Variants in TBC1D22A observed in about 807,000 individuals in gnomAD.
TBC1D22A encodes the protein TBC1 domain family member 22A.
In TBC1D22A, 38 loss-of-function variants were observed where a neutral mutation model predicts 60.2. That is an observed-to-expected ratio of 0.63 (90% CI 0.49 to 0.83). The LOEUF (loss-of-function observed/expected upper bound fraction) is 0.83. Among genes scored for constraint, TBC1D22A ranks in the 40% least tolerant of loss-of-function variants. TBC1D22A has a pLI of 0.00. For synonymous variants in TBC1D22A, 302 were observed against 281.7 expected (o/e 1.07, Z -0.72); for missense variants, 628 against 701.0 (o/e 0.90, Z 1.18).
intron 8 of TBC1D22A, among the ~76,000 whole-genome samples, chr22:46,941,108 TAC>T (rs145138507): frequency 0.21 from 16,405 of 77,042 alleles, 2,161 homozygotes; most frequent in Middle Eastern, 0.3. Context: ...GGCACTAGCA[TAC>T]ACACACACAC....
rs901760021 is a variant in TBC1D22A, at chr22:46,812,533, C to T, written c.637+14913C>T. Among the ~76,000 whole-genome samples the T allele has an allele frequency of 1.8e-4, 27 of 152,246 alleles. 1 individual carries two copies. The highest frequency in any genetic ancestry group is 1.7e-3 in the Admixed American group (26 of 15,290). ...TCACAGCCTCGTCAGCCACTCTTCCCACCCCTTTGGGGACACTGCCCACCC... is the reference window on the plus strand; with the variant it reads ...TCACAGCCTCGTCAGCCACTCTTCCTACCCCTTTGGGGACACTGCCCACCC... On this transcript the variant is annotated intron_variant, in intron 4 of 12. Transcript: ENST00000337137.
intron 11 of TBC1D22A, among the ~76,000 whole-genome samples, chr22:47,105,881 A>G (rs1303663394): frequency 6.6e-6 from 1 of 152,018 alleles, no homozygotes; most frequent in African/African-American, 2.4e-5. Context: ...TCAGCAGTGA[A>G]AACAGACTGC....
At position 46,989,000 on chromosome 22, in the gene TBC1D22A, C is replaced by G. The variant is rs578259950; in HGVS notation, c.1126-8634C>G. Among the ~76,000 whole-genome samples, 7 of 152,338 alleles carry G rather than the reference C, an allele frequency of 4.6e-5. No homozygotes were observed. The East Asian group carries it at 1.4e-3, about 29-fold the overall frequency. Reference sequence around the variant, plus strand: ...TTGGCTAGATCTTCTGGAGAACTTGCTACAGCTTCTCCATCAGCACTTGCT... The same window carrying G: ...TTGGCTAGATCTTCTGGAGAACTTGGTACAGCTTCTCCATCAGCACTTGCT... On this transcript the variant is annotated intron_variant, in intron 9 of 12. Coordinates refer to ENST00000337137, the MANE Select transcript of TBC1D22A (RefSeq NM_014346.5).
chr22:46,910,653 A>G (rs1433969136), intron 7 of TBC1D22A, among the ~76,000 whole-genome samples: 2 of 152,100 alleles, frequency 1.3e-5, no homozygotes, highest in African/African-American at 2.4e-5. Context: ...TGGGAACTAG[A>G]GGGCCACACA....
chr22:47,085,170 A>G (rs922087336), intron 11 of TBC1D22A, among the ~76,000 whole-genome samples: 9 of 152,284 alleles, frequency 5.9e-5, no homozygotes, highest in South Asian at 2.1e-4. Context: ...AATTCCAGCA[A>G]CACAGAGGCT....
intron 9 of TBC1D22A, among the ~76,000 whole-genome samples, chr22:46,989,700 A>G (rs6009084): frequency 0.067 from 10,205 of 152,034 alleles, 692 homozygotes; most frequent in African/African-American, 0.17. Flanking sequence ...ACAGATCCCC[A>G]TAAAAGATCA....
At chr22:46,991,739 G>A (rs895358319) in intron 9 of TBC1D22A, among the ~76,000 whole-genome samples, 2 of 152,152 alleles carry the variant, frequency 1.3e-5, no homozygotes, top group Admixed American at 1.3e-4. Flanking sequence ...TGAGAGCATT[G>A]CCTGGGTCTC....
At chr22:46,881,837 G>A (rs1211674354) in intron 5 of TBC1D22A, among the ~76,000 whole-genome samples, 1 of 152,208 alleles carries the variant, frequency 6.6e-6, no homozygotes, top group Non-Finnish European at 1.5e-5. Context: ...GTGTTGGTGA[G>A]CACTGATGCC....
chr22:46,778,858 A>G (rs2083815529), intron 1 of TBC1D22A, among the ~76,000 whole-genome samples: 2 of 152,188 alleles, frequency 1.3e-5, no homozygotes, highest in African/African-American at 2.4e-5. Flanking sequence ...AGCCTGGCCA[A>G]CATGGTGAAA....
intron 8 of TBC1D22A, among the ~76,000 whole-genome samples, chr22:46,917,723 G>T (rs747289933): frequency 1.2e-4 from 18 of 152,144 alleles, no homozygotes; most frequent in Admixed American, 3.9e-4. Context: ...TGACAGTCGC[G>T]GCTGTGGATG....
chr22:47,091,255 G>A (rs1166697862), intron 11 of TBC1D22A, among the ~76,000 whole-genome samples: 3 of 134,364 alleles, frequency 2.2e-5, no homozygotes, highest in African/African-American at 5.8e-5. Flanking sequence ...GAGTGGCCTC[G>A]CAGAGGTTGT....
intron 4 of TBC1D22A, among the ~76,000 whole-genome samples, chr22:46,877,208 C>T (rs1203095234): frequency 6.6e-6 from 1 of 152,066 alleles, no homozygotes; most frequent in African/African-American, 2.4e-5. Flanking sequence ...TGATCACAGC[C>T]CTAAGTAACA....
chr22:46,885,534 T>C (rs1221192035), intron 5 of TBC1D22A, among the ~76,000 whole-genome samples: 1 of 152,212 alleles, frequency 6.6e-6, no homozygotes. Context: ...AGTAATCTTA[T>C]GTAATTGTTA....
chr22:46,884,272 G>A (rs751082315), intron 5 of TBC1D22A, among the ~76,000 whole-genome samples: 10 of 152,196 alleles, frequency 6.6e-5, no homozygotes, highest in African/African-American at 1.7e-4. Flanking sequence ...AGGGTGGGCC[G>A]CACTGAGGAG....
intron 8 of TBC1D22A, among the ~76,000 whole-genome samples, chr22:46,941,305 C>T (rs2072038368): frequency 6.7e-6 from 1 of 148,554 alleles, no homozygotes; most frequent in Admixed American, 6.8e-5. Flanking sequence ...ACAGTCTACC[C>T]TTGAACAGCA....
chr22:47,085,332 AT>A (rs1194422211), intron 11 of TBC1D22A, among the ~76,000 whole-genome samples: 1 of 152,220 alleles, frequency 6.6e-6, no homozygotes, highest in East Asian at 1.9e-4. Flanking sequence ...ATTTAAAACT[AT>A]AAAAATATCA....
At chr22:47,146,887 G>A (rs1330786186) in intron 12 of TBC1D22A, among the ~76,000 whole-genome samples, 1 of 152,192 alleles carries the variant, frequency 6.6e-6, no homozygotes, top group Non-Finnish European at 1.5e-5. Context: ...CTGCCCACCC[G>A]GAAACCTCCA....
At chr22:47,062,086 T>TAAAAAAA (rs2063597352) in intron 11 of TBC1D22A, among the ~76,000 whole-genome samples, 1 of 22,984 alleles carries the variant, frequency 4.4e-5, no homozygotes, top group African/African-American at 2.6e-4. Flanking sequence ...AGACTCCATC[T>TAAAAAAA]CAAAAAAAAA....
At chr22:46,786,702 T>G (rs1043825070) in intron 1 of TBC1D22A, among the ~76,000 whole-genome samples, 5 of 152,188 alleles carry the variant, frequency 3.3e-5, no homozygotes. Context: ...ATTTTTTATT[T>G]TTTTGAGACA....
Sources: gnomAD v4.1 joint callset for allele counts (sites outside exome capture counted in the v4.1 genomes callset) on GRCh38, gnomAD v4.1.1 for gene constraint, MANE v1.5 for transcripts, NCBI Gene and HGNC (gene_info 2026-07-23, HGNC 2026-07-21) for gene names.